Variants in KIF5B observed in about 807,000 individuals in gnomAD.
KIF5B encodes kinesin-1 heavy chain.
KIF5B carries 49 observed loss-of-function variants against 132.8 expected under a neutral mutation model. That is an observed-to-expected ratio of 0.37 (90% CI 0.29 to 0.47). The LOEUF (loss-of-function observed/expected upper bound fraction) is 0.47. Among genes scored for constraint, KIF5B ranks in the 20% least tolerant of loss-of-function variants. The probability of loss-of-function intolerance (pLI) is 1.00; values close to 1 mark genes in which losing one functional copy is unlikely to be tolerated. For synonymous variants in KIF5B, 355 were observed against 369.4 expected (o/e 0.96, Z 0.45); for missense variants, 780 against 1,144.0 (o/e 0.68, Z 4.59).
At chr10:32,055,015 GTTTTTATAACACTTTC>G (rs1178574052) in intron 1 of KIF5B, among the ~76,000 whole-genome samples, 1 of 152,052 alleles carries the variant, frequency 6.6e-6, no homozygotes, top group Admixed American at 6.6e-5. Flanking sequence ...TTATAAGTTT[GTTTTTATAACACTTTC>G]TGTCTGATAC....
Position 32,056,250 on chromosome 10 carries a change from C to A in KIF5B, c.-277G>T. The A allele has an allele frequency of 2.4e-6, 1 of 422,716 alleles. No homozygotes were observed. The highest frequency in any genetic ancestry group is 4.2e-6 in the Non-Finnish European group (1 of 238,236). The allele number at this position is 422,716 out of a possible 1,614,324, so 26.2% of individuals were successfully genotyped here. On this transcript the variant is annotated 5_prime_UTR_variant, in exon 1 of 26. Coordinates refer to ENST00000302418, the MANE Select transcript of KIF5B (RefSeq NM_004521.3). Reference sequence around the variant, plus strand: ...GGGGAGAGCGTCCGCGGCTCCTCAGCGTCCCCCTTTACGGTCTGGGCGGAC... The same window carrying A: ...GGGGAGAGCGTCCGCGGCTCCTCAGAGTCCCCCTTTACGGTCTGGGCGGAC...
intron 6 of KIF5B, 55 bp from the exon 7 acceptor site, chr10:32,037,662 T>C (rs1421561608): frequency 7.4e-7 from 1 of 1,353,188 alleles, no homozygotes. Flanking sequence ...ATGAAACCCT[T>C]TCTCTAATAA....
In KIF5B at chr10:32,056,189, C is replaced by A; in HGVS notation, c.-216G>T. ...ACCCTAATGCTCACTTCCGATCCAT[C>A]ATGGCAGCCATGGCGGCGGCAGCGG... On this transcript the variant is annotated 5_prime_UTR_variant, in exon 1 of 26. An upstream start codon of the reference 5' UTR is lost. Coordinates refer to ENST00000302418, the MANE Select transcript of KIF5B (RefSeq NM_004521.3). The A allele has an allele frequency of 1.9e-6, 1 of 530,876 alleles. No individual in the cohort carries two copies. Among genetic ancestry groups the A allele is most frequent in the Non-Finnish European group, 3.2e-6 (1 of 309,100 alleles). The allele number at this position is 530,876 out of a possible 1,614,324, so 32.9% of individuals were successfully genotyped here.
intron 8 of KIF5B, among the ~76,000 whole-genome samples, chr10:32,036,892 G>T (rs540518815): frequency 6.6e-6 from 1 of 152,062 alleles, no homozygotes; most frequent in Admixed American, 6.5e-5. Flanking sequence ...AAGACTAATC[G>T]AGAGTTACCA....
At chr10:32,027,630 T>C (rs78118541) in intron 15 of KIF5B, among the ~76,000 whole-genome samples, 3 of 151,366 alleles carry the variant, frequency 2.0e-5, no homozygotes. Flanking sequence ...TTTTTTTTTT[T>C]TCCAGATAGG....
intron 15 of KIF5B, among the ~76,000 whole-genome samples, chr10:32,028,195 A>T (rs954827168): frequency 6.6e-6 from 1 of 151,632 alleles, no homozygotes; most frequent in African/African-American, 2.4e-5. Flanking sequence ...ATGTTATAGT[A>T]AAGAATCAAA....
intron 2 of KIF5B, among the ~76,000 whole-genome samples, chr10:32,047,402 T>G (rs211289): frequency 0.04 from 6,059 of 152,260 alleles, 157 homozygotes; most frequent in Non-Finnish European, 0.06. Flanking sequence ...CTTCCCTCTT[T>G]TGTACTCACC....
intron 25 of KIF5B, among the ~76,000 whole-genome samples, chr10:32,012,362 C>A (rs12570362): frequency 0.26 from 40,100 of 152,052 alleles, 5,392 homozygotes; most frequent in East Asian, 0.38. Flanking sequence ...GTAATCCCAG[C>A]TACTCGGGAG....
At chr10:32,033,375 C>T (rs1841424790) in intron 12 of KIF5B, among the ~76,000 whole-genome samples, 1 of 152,202 alleles carries the variant, frequency 6.6e-6, no homozygotes, top group South Asian at 2.1e-4. Context: ...TTGAGCTCCG[C>T]CTTCTGCCAG....
intron 15 of KIF5B, among the ~76,000 whole-genome samples, chr10:32,025,006 G>A (rs1841316083): frequency 6.6e-6 from 1 of 152,012 alleles, no homozygotes; most frequent in East Asian, 1.9e-4. Flanking sequence ...GAACCCAGGA[G>A]GCGGAGGTTA....
chr10:32,023,535 A>G (rs1592441415), intron 15 of KIF5B, among the ~76,000 whole-genome samples: 1 of 152,348 alleles, frequency 6.6e-6, no homozygotes, highest in African/African-American at 2.4e-5. Context: ...AGATGACATG[A>G]TTAAGTTTAC....
At chr10:32,043,818 C>G (rs540112568) in intron 2 of KIF5B, among the ~76,000 whole-genome samples, 1 of 152,120 alleles carries the variant, frequency 6.6e-6, no homozygotes, top group Admixed American at 6.5e-5. Context: ...GTGAACTTGT[C>G]GGGGACCCAG....
intron 25 of KIF5B, among the ~76,000 whole-genome samples, chr10:32,014,846 G>C (rs1841136319): frequency 6.6e-6 from 1 of 152,194 alleles, no homozygotes; most frequent in African/African-American, 2.4e-5. Context: ...TTTCAGGTCG[G>C]GCGCGGTGGC....
At chr10:32,038,907 T>C in intron 4 of KIF5B, 81 bp from the exon 5 acceptor site, 1 of 821,396 alleles carries the variant, frequency 1.2e-6, no homozygotes, top group Non-Finnish European at 2.0e-6. Context: ...TGCTAGGCAT[T>C]GTTTAGACTA....
chr10:32,037,401 A>C, intron 7 of KIF5B, 23 bp from the exon 8 acceptor site: 1 of 1,608,086 alleles, frequency 6.2e-7, no homozygotes, highest in Non-Finnish European at 8.5e-7. Flanking sequence ...TACACAAACA[A>C]ATATAAACAA....
Position 32,010,599 on chromosome 10 carries a change from T to G in KIF5B, c.*938A>C, listed in dbSNP as rs1841064347. The stretch of plus-strand genomic sequence containing the variant: ...CAATAAAGTACTAACCGTATAAAAT[T>G]ATGTTTAATCCTATAATATCTTAAT... On this transcript the variant is annotated 3_prime_UTR_variant, in exon 26 of 26. Transcript: ENST00000302418. 1 of 152,196 alleles carries G rather than the reference T, an allele frequency of 6.6e-6. No homozygotes were observed. Among genetic ancestry groups the G allele is most frequent in the African/African-American group, 2.4e-5 (1 of 41,464 alleles). 9.4% of individuals were successfully genotyped at this position (152,196 alleles called of 1,614,324 possible).
chr10:32,023,325 T>TA (rs1841290010), intron 15 of KIF5B, among the ~76,000 whole-genome samples: 1 of 152,196 alleles, frequency 6.6e-6, no homozygotes, highest in African/African-American at 2.4e-5. Flanking sequence ...ACCAAACTAA[T>TA]AAATTCTGCC....
intron 14 of KIF5B, among the ~76,000 whole-genome samples, chr10:32,030,344 C>CT: frequency 6.6e-6 from 1 of 152,118 alleles, no homozygotes; most frequent in South Asian, 2.1e-4. Flanking sequence ...TGGTGAAACC[C>CT]TGTTGCTACT....
intron 4 of KIF5B, 99 bp from the exon 5 acceptor site, chr10:32,038,925 A>T: frequency 1.4e-6 from 1 of 719,536 alleles, no homozygotes; most frequent in South Asian, 1.7e-5. Context: ...CTAGAGAGAC[A>T]GTTATCAACA....
Sources: gnomAD v4.1 joint callset for allele counts (sites outside exome capture counted in the v4.1 genomes callset) on GRCh38, gnomAD v4.1.1 for gene constraint, MANE v1.5 for transcripts, NCBI Gene and HGNC (gene_info 2026-07-23, HGNC 2026-07-21) for gene names.